R3HDM2: variants seen among roughly 807,000 people sequenced by gnomAD.
The protein encoded by R3HDM2 is R3H domain-containing protein 2.
A neutral mutation model predicts 124.5 loss-of-function variants in R3HDM2; 38 were observed. The ratio of observed to expected loss-of-function variants is 0.31; its 90% CI spans 0.24 to 0.40. The LOEUF is 0.40. Ranked by LOEUF, R3HDM2 falls within the 10% of genes least tolerant of loss-of-function variation. The pLI, the probability that R3HDM2 is intolerant of heterozygous loss-of-function variation, is 1.00. For missense variants in R3HDM2, 869 were observed against 1,236.9 expected (o/e 0.70, Z 4.46); for synonymous variants, 391 against 448.0 (o/e 0.87, Z 1.61).
At chr12:57,333,813 C>A (rs997013448) in intron 2 of R3HDM2, among the ~76,000 whole-genome samples, 1 of 151,714 alleles carries the variant, frequency 6.6e-6, no homozygotes, top group Non-Finnish European at 1.5e-5. Context: ...GAGGCTGAGG[C>A]GGGTGGATGA....
chr12:57,283,986 G>C lies in R3HDM2; in HGVS notation c.1009C>G (p.Leu337Val). 3.7e-6 allele frequency: 6 copies of C among 1,614,056 alleles called. No homozygotes were observed. Among genetic ancestry groups the C allele is most frequent in the Non-Finnish European group, 5.1e-6 (6 of 1,179,952 alleles). The change falls in exon 13 of 24, where the codon CTG becomes GTG. Residue 337 changes from leucine to valine, a missense_variant. Around this residue, in one of 2 missense-constraint regions of R3HDM2, gnomAD observed 267 missense variants for 447.7 expected, o/e 0.60. Coordinates refer to ENST00000402412, the MANE Select transcript of R3HDM2 (RefSeq NM_001394031.1). The stretch of plus-strand genomic sequence containing the variant: ...GTGCTGCTCCAAGGGCGTGGCTCCA[G>C]GGATTTGAGTTCGCTGTCTGTGCTG... ...QSSTDSELKS[L>V]EPRPWSSTDS...
At position 57,256,025 on chromosome 12, in the gene R3HDM2, T is replaced by G; in HGVS notation, c.2597A>C (p.Lys866Thr). 6.2e-7 allele frequency: 1 copy of G among 1,614,042 alleles called. No individual in the cohort carries two copies. Among genetic ancestry groups the G allele is most frequent in the Non-Finnish European group, 8.5e-7 (1 of 1,179,978 alleles). Reference sequence around the variant, plus strand: ...TGTCCCCAGGTCAGTGGAGGCAGATTTGAGTGCTTGTCTCTTGCCCCGGTT... The same window carrying G: ...TGTCCCCAGGTCAGTGGAGGCAGATGTGAGTGCTTGTCTCTTGCCCCGGTT... ...HGNRGKRQAL[K>T]SASTDLGTAD... Residue 866 changes from lysine to threonine, a missense_variant, in exon 23 of 24, where the codon AAA becomes ACA. Around this residue, in one of 2 missense-constraint regions of R3HDM2, gnomAD observed 602 missense variants for 789.2 expected, o/e 0.76. Transcript: ENST00000402412.
At chr12:57,424,875 A>G (rs1326074849) in intron 1 of R3HDM2, among the ~76,000 whole-genome samples, 1 of 152,194 alleles carries the variant, frequency 6.6e-6, no homozygotes, top group African/African-American at 2.4e-5. Context: ...AGCCTATACA[A>G]TATTTTTAAT....
chr12:57,357,417 G>A (rs903226541), intron 2 of R3HDM2, among the ~76,000 whole-genome samples: 9 of 151,216 alleles, frequency 6.0e-5, no homozygotes, highest in Non-Finnish European at 1.2e-4. Context: ...AGCCAAGATC[G>A]CGCCATTGCA....
chr12:57,316,746 C>G (rs961076102), intron 2 of R3HDM2, among the ~76,000 whole-genome samples: 5 of 151,146 alleles, frequency 3.3e-5, no homozygotes, highest in Admixed American at 1.3e-4. Flanking sequence ...CCACCACGCC[C>G]AGCTATTTTT....
At chr12:57,303,996 G>A (rs1417963216) in intron 3 of R3HDM2, among the ~76,000 whole-genome samples, 1 of 152,000 alleles carries the variant, frequency 6.6e-6, no homozygotes, top group Non-Finnish European at 1.5e-5. Flanking sequence ...ATCAATAATG[G>A]ATATGAAATA....
rs2050822730 is a variant in R3HDM2 at position 57,300,241 on chromosome 12, C to T, written c.208-60G>A. Reference sequence around the variant, plus strand: ...AATGTATCTTATATATTTCTTCCCTCGGTGAACATTCAGAAAGCTTTTGGC... The same window carrying T: ...AATGTATCTTATATATTTCTTCCCTTGGTGAACATTCAGAAAGCTTTTGGC... On this transcript the variant is annotated intron_variant, in intron 4 of 23. Coordinates refer to ENST00000402412, the MANE Select transcript of R3HDM2 (RefSeq NM_001394031.1). 8.7e-6 allele frequency: 12 copies of T among 1,377,550 alleles called. No individual in the cohort carries two copies. In the East Asian group the frequency reaches 1.3e-4, roughly 15 times the overall value. 85.3% of individuals were successfully genotyped at this position (1,377,550 alleles called of 1,614,324 possible). A position where few individuals can be genotyped will look rare whatever the true frequency, so the allele number is the denominator to read the frequency against.
intron 2 of R3HDM2, among the ~76,000 whole-genome samples, chr12:57,315,339 C>A (rs2054795488): frequency 6.6e-6 from 1 of 151,992 alleles, no homozygotes; most frequent in African/African-American, 2.4e-5. Flanking sequence ...CTGCACCCAG[C>A]CTAATTTTTC....
At chr12:57,419,523 C>T (rs1290341285) in intron 1 of R3HDM2, among the ~76,000 whole-genome samples, 1 of 151,796 alleles carries the variant, frequency 6.6e-6, no homozygotes, top group Non-Finnish European at 1.5e-5. Context: ...CTCACTGCAA[C>T]CTCAAACTCC....
intron 2 of R3HDM2, among the ~76,000 whole-genome samples, chr12:57,350,891 G>T (rs1014463595): frequency 1.3e-5 from 2 of 152,126 alleles, no homozygotes; most frequent in African/African-American, 2.4e-5. Context: ...ACAAAGTCAG[G>T]AGTTCAAGAC....
chr12:57,283,835 A>AT lies in R3HDM2; in HGVS notation c.1159dup (p.Ile387AsnfsTer57). 2 of 1,614,060 alleles carry AT rather than the reference A, an allele frequency of 1.2e-6. No homozygotes were observed. The highest frequency in any genetic ancestry group is 2.2e-5 in the South Asian group (2 of 91,076). ...AGAAGCTGTAATACCTGGCCTGGAG[A>AT]TCCTTCCCGCACTGCCGCCTTTACT... On this transcript the variant is annotated frameshift_variant, in exon 13 of 24. Transcript: ENST00000402412. LOFTEE classifies it high-confidence loss of function.
chr12:57,410,318 TAAA>T lies in R3HDM2; in HGVS notation c.-105-14503_-105-14501del, dbSNP rs56412130. On this transcript the variant is annotated intron_variant, in intron 1 of 23. Coordinates refer to ENST00000402412, the MANE Select transcript of R3HDM2 (RefSeq NM_001394031.1). ...CATTACCAGGGAGGTAGTATAACCTTAAAAAAAAAAAAAAAAAAAAAAAACTTC... is the reference window on the plus strand; with the variant it reads ...CATTACCAGGGAGGTAGTATAACCTTAAAAAAAAAAAAAAAAAAAAACTTC... 1.5e-3 allele frequency among the ~76,000 whole-genome samples: 153 copies of T among 100,122 alleles called. 1 individual carries two copies. Among genetic ancestry groups the T allele is most frequent in the African/African-American group, 5.3e-3 (140 of 26,290 alleles). 65.7% of individuals were successfully genotyped at this position (100,122 alleles called of 152,430 possible).
chr12:57,254,767 C>G lies in R3HDM2; in HGVS notation c.*6G>C, dbSNP rs2038389577. The stretch of plus-strand genomic sequence containing the variant: ...CTTCTGTGACAGTCCCTTTCCCCTC[C>G]TCCATTTATTGGGAGCTGGCTCGCT... On this transcript the variant is annotated 3_prime_UTR_variant, in exon 24 of 24. Transcript: ENST00000402412. The G allele has an allele frequency of 6.6e-7, 1 of 1,521,714 alleles. No homozygotes were observed. The highest frequency in any genetic ancestry group is 1.2e-5 in the South Asian group (1 of 80,946). 94.3% of individuals were successfully genotyped at this position (1,521,714 alleles called of 1,614,324 possible). A position where few individuals can be genotyped will look rare whatever the true frequency, so the allele number is the denominator to read the frequency against.
intron 2 of R3HDM2, among the ~76,000 whole-genome samples, chr12:57,344,730 G>A (rs2059919441): frequency 2.0e-5 from 3 of 152,050 alleles, no homozygotes; most frequent in Admixed American, 2.0e-4. Context: ...AAATGACAGG[G>A]GAAAGAGTCA....
intron 2 of R3HDM2, among the ~76,000 whole-genome samples, chr12:57,358,925 CTTTT>C (rs567382472): frequency 1.4e-5 from 2 of 144,534 alleles, no homozygotes; most frequent in Non-Finnish European, 3.0e-5. Flanking sequence ...AAATTTTTTT[CTTTT>C]TTTTTTTTGA....
At chr12:57,311,838 T>C (rs1026890770) in intron 2 of R3HDM2, among the ~76,000 whole-genome samples, 14 of 152,250 alleles carry the variant, frequency 9.2e-5, no homozygotes, top group Admixed American at 3.9e-4. Context: ...GGAGTATCTA[T>C]ACTGCAGGGA....
intron 2 of R3HDM2, among the ~76,000 whole-genome samples, chr12:57,365,000 T>A (rs1593980366): frequency 2.9e-5 from 4 of 136,332 alleles, no homozygotes; most frequent in African/African-American, 1.1e-4. Flanking sequence ...CAGTTGCTCA[T>A]GCCTGTAATC....
intron 19 of R3HDM2, among the ~76,000 whole-genome samples, chr12:57,261,428 T>C (rs991980979): frequency 7.2e-5 from 11 of 152,190 alleles, no homozygotes; most frequent in African/African-American, 2.6e-4. Flanking sequence ...GAAATAAGCA[T>C]AAGCAAGGCA....
chr12:57,404,488 G>C (rs2068342203), intron 1 of R3HDM2, among the ~76,000 whole-genome samples: 1 of 151,762 alleles, frequency 6.6e-6, no homozygotes. Flanking sequence ...ACGAGGTCAA[G>C]AGATCGAGAC....
Sources: allele counts gnomAD v4.1 joint callset (sites outside exome capture counted in the v4.1 genomes callset), GRCh38; gene constraint gnomAD v4.1.1; regional missense constraint gnomAD v4.1.1; transcripts MANE v1.5; gene names NCBI Gene and HGNC (gene_info 2026-07-23, HGNC 2026-07-21).